PDGFRL: variants seen among roughly 807,000 people sequenced by gnomAD.
PDGFRL encodes the protein platelet-derived growth factor receptor-like protein.
A neutral mutation model predicts 37.2 loss-of-function variants in PDGFRL; 46 were observed. That is an observed-to-expected ratio of 1.24 (90% CI 0.98 to 1.58). The LOEUF is 1.58. Ranked by LOEUF, PDGFRL falls within the 40% of genes most tolerant of loss-of-function variation. The probability of loss-of-function intolerance (pLI) is 0.00; values close to 1 mark genes in which losing one functional copy is unlikely to be tolerated. For missense variants in PDGFRL, 692 were observed against 467.6 expected (o/e 1.48, Z -4.43); for synonymous variants, 251 against 184.3 (o/e 1.36, Z -2.93).
chr8:17,601,294 C>G (rs1804160938), intron 2 of PDGFRL, among the ~76,000 whole-genome samples: 1 of 152,146 alleles, frequency 6.6e-6, no homozygotes, highest in Non-Finnish European at 1.5e-5. Flanking sequence ...CCCAGGTCCT[C>G]CATATGTATT....
chr8:17,608,526 C>G (rs1804334389), intron 2 of PDGFRL, among the ~76,000 whole-genome samples: 1 of 152,184 alleles, frequency 6.6e-6, no homozygotes, highest in African/African-American at 2.4e-5. Flanking sequence ...GAGGCACTGT[C>G]CCATACAAGA....
intron 1 of PDGFRL, among the ~76,000 whole-genome samples, chr8:17,585,098 T>G (rs141880121): frequency 0.035 from 5,253 of 152,230 alleles, 133 homozygotes; most frequent in Middle Eastern, 0.072. Context: ...CTCATGGCGC[T>G]TGTGGGAGTG....
intron 2 of PDGFRL, among the ~76,000 whole-genome samples, chr8:17,620,551 A>G (rs1219862913): frequency 2.0e-5 from 3 of 152,168 alleles, no homozygotes; most frequent in South Asian, 4.1e-4. Context: ...ATTATTAGCT[A>G]AAGTCCGTAG....
intron 1 of PDGFRL, among the ~76,000 whole-genome samples, chr8:17,578,256 C>T (rs963511574): frequency 6.6e-6 from 1 of 152,198 alleles, no homozygotes; most frequent in Non-Finnish European, 1.5e-5. Flanking sequence ...GTAGCTTTTG[C>T]TGTTATGCAA....
intron 3 of PDGFRL, among the ~76,000 whole-genome samples, chr8:17,621,421 G>A (rs118177278): frequency 0.018 from 2,558 of 140,234 alleles, 34 homozygotes; most frequent in Non-Finnish European, 0.029. Flanking sequence ...TTTTTTTTCA[G>A]ATGGGAAAGT....
intron 3 of PDGFRL, 103 bp from the exon 4 acceptor site, chr8:17,628,384 C>T (rs1804780076): frequency 5.1e-6 from 4 of 791,078 alleles, no homozygotes; most frequent in Non-Finnish European, 8.5e-6. Flanking sequence ...GCCTTTCCTA[C>T]TCCTAAGGAC....
rs747810956 is a variant in PDGFRL at position 17,642,655 on chromosome 8, C to T, written c.982C>T (p.His328Tyr). 3 of 1,610,402 alleles carry T rather than the reference C, an allele frequency of 1.9e-6. No individual in the cohort carries two copies. Among genetic ancestry groups the T allele is most frequent in the Non-Finnish European group, 2.5e-6 (3 of 1,176,606 alleles). ...VTIQDTWRLI[H>Y]RGLGHTTRIS... Reference sequence around the variant, plus strand: ...GATCCAAGACACTTGGAGGTTGATCCACAGAGGACTGGGACACACCACGAG... The same window carrying T: ...GATCCAAGACACTTGGAGGTTGATCTACAGAGGACTGGGACACACCACGAG... The change falls in exon 6 of 6, where the codon CAC becomes TAC. Residue 328 changes from histidine to tyrosine, a missense_variant. Transcript: ENST00000251630.
intron 4 of PDGFRL, among the ~76,000 whole-genome samples, chr8:17,631,131 G>A (rs1197705151): frequency 6.6e-6 from 1 of 152,144 alleles, no homozygotes; most frequent in Admixed American, 6.5e-5. Context: ...TTGCGTTGCA[G>A]AACGCTGCAA....
intron 4 of PDGFRL, among the ~76,000 whole-genome samples, chr8:17,633,873 T>C (rs1037449583): frequency 6.6e-6 from 1 of 152,088 alleles, no homozygotes; most frequent in African/African-American, 2.4e-5. Flanking sequence ...GCCTACCCCA[T>C]TCCAGACCAC....
chr8:17,613,135 C>T (rs760600896), intron 2 of PDGFRL, among the ~76,000 whole-genome samples: 2 of 152,232 alleles, frequency 1.3e-5, no homozygotes, highest in East Asian at 1.9e-4. Context: ...ACTGTCATTG[C>T]GGTAGCTAAC....
intron 3 of PDGFRL, among the ~76,000 whole-genome samples, chr8:17,625,919 C>T (rs910345728): frequency 1.3e-5 from 2 of 152,118 alleles, no homozygotes; most frequent in Non-Finnish European, 2.9e-5. Flanking sequence ...CATTTGAGCC[C>T]TGGAGGTTGA....
Position 17,628,714 on chromosome 8 carries a change from T to C in PDGFRL, c.733T>C (p.Tyr245His), listed in dbSNP as rs1031231145. 9 of 1,613,986 alleles carry C rather than the reference T, an allele frequency of 5.6e-6. No homozygotes were observed. The highest frequency in any genetic ancestry group is 2.7e-5 in the African/African-American group (2 of 74,924). Residue 245 changes from tyrosine (Y) to histidine (H), a missense_variant, in exon 4 of 6, where the codon TAC becomes CAC. Physicochemically the swap from Tyr to His is moderately conservative, Grantham distance 83. Coordinates refer to ENST00000251630, the MANE Select transcript of PDGFRL (RefSeq NM_001372073.1). Reference sequence around the variant, plus strand: ...TCATTCCGAGCACCAGGGTGTGGTTTACTGCAGGGCGGAGGCCGGGGGCAG... The same window carrying C: ...TCATTCCGAGCACCAGGGTGTGGTTCACTGCAGGGCGGAGGCCGGGGGCAG... ...QPHSEHQGVV[Y>H]CRAEAGGRSQ... is the part of the protein sequence containing the mutation.
At position 17,634,269 on chromosome 8, in the gene PDGFRL, G is replaced by C. The variant is rs545221535; in HGVS notation, c.939+56G>C. The C allele has an allele frequency of 3.9e-5, 57 of 1,446,414 alleles. No homozygotes were observed. In the Admixed American group the frequency reaches 6.2e-4, roughly 16 times the overall value. The allele number at this position is 1,446,414 out of a possible 1,614,324, so 89.6% of individuals were successfully genotyped here. A position where few individuals can be genotyped will look rare whatever the true frequency, so the allele number is the denominator to read the frequency against. ...CGTCTCAGCCTCTGCATCTCAGCCA[G>C]CCATTTTAATTCACAGCTTCGTCCC... On this transcript the variant is annotated intron_variant, in intron 5 of 5. Coordinates refer to ENST00000251630, the MANE Select transcript of PDGFRL (RefSeq NM_001372073.1).
intron 2 of PDGFRL, among the ~76,000 whole-genome samples, chr8:17,612,962 T>A (rs1464310757): frequency 6.6e-6 from 1 of 152,244 alleles, no homozygotes; most frequent in Non-Finnish European, 1.5e-5. Context: ...TGTGAATATT[T>A]TTATGTGTAA....
intron 1 of PDGFRL, among the ~76,000 whole-genome samples, chr8:17,587,973 G>A (rs902223269): frequency 6.6e-6 from 1 of 151,864 alleles, no homozygotes; most frequent in African/African-American, 2.4e-5. Context: ...CAACTGTGTG[G>A]CTGCAAGGGG....
chr8:17,621,049 A>G lies in PDGFRL; in HGVS notation c.354-2A>G, dbSNP rs1226414538. On this transcript the variant is annotated splice_acceptor_variant, in intron 2 of 5. Coordinates refer to ENST00000251630, the MANE Select transcript of PDGFRL (RefSeq NM_001372073.1). LOFTEE classifies it high-confidence loss of function. ...TTGAGTTCATGTGTCTTTTATTCCT[A>G]GCGTCAAGCAGAATGAGCGCTACGG... 1.9e-6 allele frequency: 3 copies of G among 1,594,000 alleles called. No individual in the cohort carries two copies. Among genetic ancestry groups the G allele is most frequent in the Admixed American group, 1.7e-5 (1 of 58,380 alleles).
intron 5 of PDGFRL, among the ~76,000 whole-genome samples, chr8:17,637,376 C>A (rs1259595861): frequency 1.3e-5 from 2 of 152,030 alleles, no homozygotes; most frequent in African/African-American, 4.8e-5. Context: ...TGTGGTGTAT[C>A]CCATTAATGT....
intron 2 of PDGFRL, among the ~76,000 whole-genome samples, chr8:17,619,950 C>G (rs1804599137): frequency 6.6e-6 from 1 of 152,152 alleles, no homozygotes; most frequent in Admixed American, 6.5e-5. Context: ...CCCACACACC[C>G]ATTTATCAGA....
chr8:17,641,247 C>T (rs1805085951), intron 5 of PDGFRL, among the ~76,000 whole-genome samples: 1 of 152,198 alleles, frequency 6.6e-6, no homozygotes, highest in Non-Finnish European at 1.5e-5. Context: ...CTCCTACCTG[C>T]CACGGTTTCT....
Sources: allele counts gnomAD v4.1 joint callset (sites outside exome capture counted in the v4.1 genomes callset), GRCh38; gene constraint gnomAD v4.1.1; transcripts MANE v1.5; gene names NCBI Gene and HGNC (gene_info 2026-07-23, HGNC 2026-07-21).